Variants in CUX1 observed in about 807,000 individuals in gnomAD.
CUX1 encodes the protein cut like homeobox 1.
A neutral mutation model predicts 158.8 loss-of-function variants in CUX1; 31 were observed. That is an observed-to-expected ratio of 0.20 (90% confidence interval 0.15 to 0.26). CUX1 has a LOEUF of 0.26. Among genes scored for constraint, CUX1 ranks in the 10% least tolerant of loss-of-function variants. The probability of loss-of-function intolerance (pLI) is 1.00; values close to 1 mark genes in which losing one functional copy is unlikely to be tolerated. For missense variants in CUX1, 1,589 were observed against 2,014.6 expected, an observed-to-expected ratio of 0.79 and a Z score of 4.04; for synonymous variants, 879 against 862.1, an observed-to-expected ratio of 1.02 and a Z score of -0.34.
chr7:102,229,899 G>A (rs1304361992), intron 21 of CUX1, among the ~76,000 whole-genome samples: 1 of 152,178 alleles, frequency 6.6e-6, no homozygotes, highest in East Asian at 1.9e-4. Flanking sequence ...TGGGATTACA[G>A]GCATGAGCCA....
intron 20 of CUX1, 83 bp downstream of exon 20, chr7:102,205,253 G>A: frequency 1.0e-6 from 1 of 991,394 alleles, no homozygotes. Flanking sequence ...GTCCCGGCGA[G>A]ACTCCGAGGG....
At chr7:102,057,713 T>A (rs1824324755) in intron 3 of CUX1, among the ~76,000 whole-genome samples, 1 of 152,184 alleles carries the variant, frequency 6.6e-6, no homozygotes, top group East Asian at 1.9e-4. Context: ...AGGGGTTGCT[T>A]CTTATGATGA....
rs782084907 is a variant in CUX1 at position 102,239,442 on chromosome 7, G to T, written c.3745G>T (p.Val1249Leu). ...CCAGCACCAGCTGAAGAAACCCCGGGTGGTGCTGGCTCCGGAGGAGAAGGA... is the reference window on the plus strand; with the variant it reads ...CCAGCACCAGCTGAAGAAACCCCGGTTGGTGCTGGCTCCGGAGGAGAAGGA... Reference protein sequence around the residue: ...QPQHQLKKPRVVLAPEEKEAL... With the variant: ...QPQHQLKKPRLVLAPEEKEAL... Residue 1249 changes from valine (V) to leucine (L), a missense_variant, in exon 23 of 24, where the codon GTG (valine) becomes TTG (leucine). Coordinates refer to ENST00000292535, the MANE Select transcript of CUX1 (RefSeq NM_181552.4). 3 of 1,614,018 alleles carry T rather than the reference G, an allele frequency of 1.9e-6. No homozygotes were observed. The South Asian group carries it at 3.3e-5, about 18-fold the overall frequency.
In CUX1 at chr7:102,073,698, T is replaced by G. The variant is rs189437261; in HGVS notation, c.268+3281T>G. On this transcript the variant is annotated intron_variant, in intron 4 of 23. Coordinates refer to ENST00000292535, the MANE Select transcript of CUX1 (RefSeq NM_181552.4). ...ACCTTGTCCATGTACATGTACAAAT[T>G]TTATAGAATTTTGATCATAGCATGG... Among the ~76,000 whole-genome samples the G allele has an allele frequency of 1.8e-3, 273 of 152,332 alleles. 1 individual carries two copies. The highest frequency in any genetic ancestry group is 6.8e-3 in the Middle Eastern group (2 of 294).
chr7:102,071,856 G>A (rs1826173459), intron 4 of CUX1, among the ~76,000 whole-genome samples: 1 of 152,192 alleles, frequency 6.6e-6, no homozygotes, highest in Admixed American at 6.5e-5. Context: ...TCTGTAAAAT[G>A]GAACAGGGTC....
chr7:102,051,430 C>G (rs1464797260), intron 3 of CUX1, among the ~76,000 whole-genome samples: 1 of 151,826 alleles, frequency 6.6e-6, no homozygotes, highest in Non-Finnish European at 1.5e-5. Flanking sequence ...GGCGTATCAC[C>G]TGAGCTCAGG....
At chr7:102,223,215 A>G (rs1231311088) in intron 20 of CUX1, among the ~76,000 whole-genome samples, 3 of 151,942 alleles carry the variant, frequency 2.0e-5, no homozygotes, top group African/African-American at 4.8e-5. Context: ...CGAGGCCAAG[A>G]GTTTAAGGAC....
At chr7:102,072,470 G>A (rs1199811970) in intron 4 of CUX1, among the ~76,000 whole-genome samples, 1 of 152,192 alleles carries the variant, frequency 6.6e-6, no homozygotes, top group East Asian at 1.9e-4. Context: ...ACTTGGCCCT[G>A]CAATCAGTCT....
intron 8 of CUX1, among the ~76,000 whole-genome samples, chr7:102,123,328 G>A (rs941840139): frequency 1.1e-4 from 16 of 151,328 alleles, no homozygotes; most frequent in Admixed American, 2.0e-4. Context: ...AATTTTTATC[G>A]GCCGGGCGCA....
chr7:102,020,278 C>T (rs1399772609), intron 2 of CUX1, among the ~76,000 whole-genome samples: 5 of 152,284 alleles, frequency 3.3e-5, no homozygotes, highest in African/African-American at 9.6e-5. Flanking sequence ...ACCAAAGGAA[C>T]GATGCCGTGT....
At chr7:102,068,235 G>A (rs910843233) in intron 3 of CUX1, among the ~76,000 whole-genome samples, 4 of 149,274 alleles carry the variant, frequency 2.7e-5, no homozygotes, top group Non-Finnish European at 6.0e-5. Flanking sequence ...GGTATTACAG[G>A]TGCATTGCCA....
intron 1 of CUX1, among the ~76,000 whole-genome samples, chr7:101,831,604 C>G (rs1447352821): frequency 6.6e-6 from 1 of 151,670 alleles, no homozygotes; most frequent in Non-Finnish European, 1.5e-5. Context: ...AACTGACATT[C>G]TTGCAAGGGG....
intron 8 of CUX1, among the ~76,000 whole-genome samples, chr7:102,121,696 A>G (rs897183339): frequency 6.6e-6 from 1 of 152,084 alleles, no homozygotes; most frequent in African/African-American, 2.4e-5. Context: ...CCTGAGTGTT[A>G]TCTTGTTTGC....
intron 21 of CUX1, among the ~76,000 whole-genome samples, chr7:102,229,084 C>T (rs149866771): frequency 3.9e-5 from 6 of 152,308 alleles, no homozygotes; most frequent in Non-Finnish European, 5.9e-5. Context: ...TTGCTGTTCC[C>T]GCTGCCTTGC....
exon 23 of CUX1, chr7:102,283,603 T>C (rs781819559): frequency 1.1e-4 from 17 of 160,800 alleles, no homozygotes; most frequent in Non-Finnish European, 1.5e-4. Flanking sequence ...GCAGAGTATA[T>C]GAGGCTTGAC....
chr7:102,143,068 T>C (rs1223980894), intron 8 of CUX1, among the ~76,000 whole-genome samples: 3 of 152,224 alleles, frequency 2.0e-5, no homozygotes, highest in Admixed American at 1.3e-4. Flanking sequence ...GCCTGCGTCT[T>C]TGTAACTGTC....
intron 1 of CUX1, among the ~76,000 whole-genome samples, chr7:101,825,069 C>T (rs1430595985): frequency 2.9e-4 from 44 of 152,184 alleles, no homozygotes; most frequent in Admixed American, 2.9e-3. Context: ...GCTGTGTCCT[C>T]GCCGAGAGCG....
At chr7:102,063,454 T>C (rs1418371898) in intron 3 of CUX1, among the ~76,000 whole-genome samples, 1 of 136,308 alleles carries the variant, frequency 7.3e-6, no homozygotes, top group East Asian at 2.6e-4. Flanking sequence ...AATGGCACGA[T>C]CTTGGCTCAC....
intron 14 of CUX1, chr7:102,265,002 G>T (rs2132758395): frequency 6.6e-6 from 1 of 152,324 alleles, no homozygotes; most frequent in East Asian, 1.9e-4. Context: ...CGAGGTCAGA[G>T]ACACAAATGT....
Sources: allele counts gnomAD v4.1 joint callset (sites outside exome capture counted in the v4.1 genomes callset), GRCh38; gene constraint gnomAD v4.1.1; transcripts MANE v1.5; gene names NCBI Gene and HGNC (gene_info 2026-07-23, HGNC 2026-07-21).